The following PTK7 variants were observed in gnomAD, a reference collection of about 807,000 sequenced individuals.
PTK7 encodes inactive tyrosine-protein kinase 7.
In PTK7, 39 loss-of-function variants were observed where a neutral mutation model predicts 116.6. The ratio of observed to expected loss-of-function variants is 0.33; its 90% confidence interval spans 0.26 to 0.44. The LOEUF (loss-of-function observed/expected upper bound fraction) is 0.44, where lower values mean the gene tolerates loss of function less well. Ranked by LOEUF, PTK7 falls within the 20% of genes least tolerant of loss-of-function variation. The pLI is 1.00. For synonymous variants in PTK7, 546 were observed against 563.6 expected (o/e 0.97, Z 0.44); for missense variants, 1,169 against 1,425.6 (o/e 0.82, Z 2.90).
At chr6:43,147,285 C>T (rs1218270479) in intron 17 of PTK7, among the ~76,000 whole-genome samples, 1 of 152,198 alleles carries the variant, frequency 6.6e-6, no homozygotes, top group African/African-American at 2.4e-5. Context: ...GGCTGGGGCC[C>T]CTGTGGTAGA....
rs1769655403 is a variant in PTK7 at position 43,131,077 on chromosome 6, A to ACT, written c.812+417_812+418dup. On this transcript the variant is annotated intron_variant, in intron 5 of 19. Transcript: ENST00000230419. The stretch of plus-strand genomic sequence containing the variant: ...CACACACACACACACACACACACAC[A>ACT]CTTTTTAGAGGAAGCAAACACCTCT... 2.1e-5 allele frequency among the ~76,000 whole-genome samples: 3 copies of ACT among 143,126 alleles called. No homozygotes were observed. The South Asian group carries it at 6.6e-4, about 31-fold the overall frequency. 93.9% of individuals were successfully genotyped at this position (143,126 alleles called of 152,430 possible). A position where few individuals can be genotyped will look rare whatever the true frequency, so the allele number is the denominator to read the frequency against.
In PTK7 at chr6:43,076,440, T is replaced by C. The variant is rs1301061534; in HGVS notation, c.-49T>C. ...CTCCTGTGCCCGCCGCGGAGCGCAG[T>C]CTGCGCGCCCGCCGTGCGCCCTCAG... On this transcript the variant is annotated 5_prime_UTR_variant, in exon 1 of 20. Coordinates refer to ENST00000230419, the MANE Select transcript of PTK7 (RefSeq NM_002821.5). This position sits in a 1 kb window ranked among gnomAD's most constrained non-coding sequence, Gnocchi z 5.7. 6.8e-7 allele frequency: 1 copy of C among 1,460,480 alleles called. No homozygotes were observed. Among genetic ancestry groups the C allele is most frequent in the East Asian group, 2.9e-5 (1 of 34,432 alleles). 90.5% of individuals were successfully genotyped at this position (1,460,480 alleles called of 1,614,324 possible). A position where few individuals can be genotyped will look rare whatever the true frequency, so the allele number is the denominator to read the frequency against.
chr6:43,116,750 T>TA (rs910625695), intron 1 of PTK7, among the ~76,000 whole-genome samples: 2 of 151,816 alleles, frequency 1.3e-5, no homozygotes, highest in African/African-American at 4.8e-5. Flanking sequence ...GAGTAGGTGA[T>TA]AGAGGCTAGG....
chr6:43,128,550 C>T (rs987890094), intron 1 of PTK7, among the ~76,000 whole-genome samples: 5 of 152,092 alleles, frequency 3.3e-5, no homozygotes, highest in Non-Finnish European at 4.4e-5. Flanking sequence ...TTTGGGAGGC[C>T]GAGGTGGGCA....
At chr6:43,090,169 G>A (rs2150377315) in intron 1 of PTK7, among the ~76,000 whole-genome samples, 1 of 152,358 alleles carries the variant, frequency 6.6e-6, no homozygotes, top group African/African-American at 2.4e-5. Flanking sequence ...GAAAGGGGTA[G>A]GAGAGCGTGG....
At chr6:43,097,081 G>C (rs1338520778) in intron 1 of PTK7, among the ~76,000 whole-genome samples, 1 of 132,090 alleles carries the variant, frequency 7.6e-6, no homozygotes, top group African/African-American at 3.0e-5. Flanking sequence ...TGGCCAGACT[G>C]CCCTGGCCAA....
chr6:43,118,649 CTCTCTCTCTCTATA>C (rs1218451098), intron 1 of PTK7, among the ~76,000 whole-genome samples: 59 of 86,530 alleles, frequency 6.8e-4, no homozygotes, highest in African/African-American at 1.8e-3. Context: ...CTCTCTCTCT[CTCTCTCTCTCTATA>C]TATATATATA....
chr6:43,119,177 G>A (rs143915195), intron 1 of PTK7, among the ~76,000 whole-genome samples: 182 of 152,096 alleles, frequency 1.2e-3, no homozygotes, highest in African/African-American at 4.2e-3. Flanking sequence ...TGTAAAGGGC[G>A]TCCTCCTCAC....
intron 7 of PTK7, 34 bp from the exon 8 acceptor site, chr6:43,138,815 A>G (rs1390213931): frequency 6.4e-7 from 1 of 1,573,622 alleles, no homozygotes; most frequent in African/African-American, 1.4e-5. Context: ...AGACCTGTGA[A>G]GCAGCCTTCA....
At chr6:43,127,884 G>A (rs28479992) in intron 1 of PTK7, among the ~76,000 whole-genome samples, 46 of 151,686 alleles carry the variant, frequency 3.0e-4, no homozygotes, top group Non-Finnish European at 5.2e-4. Context: ...AGCCAAGATC[G>A]CGCTACTGCA....
At chr6:43,159,519 T>C (rs899974115) in intron 18 of PTK7, 19 of 517,992 alleles carry the variant, frequency 3.7e-5, no homozygotes, top group Non-Finnish European at 6.3e-5. Context: ...ATATAGAAAG[T>C]ATGTATGACT....
chr6:43,132,219 C>A, intron 6 of PTK7, 55 bp downstream of exon 6: 2 of 1,549,840 alleles, frequency 1.3e-6, no homozygotes, highest in Non-Finnish European at 1.7e-6. Context: ...ACATTTTTGG[C>A]ACATAGAGAT....
At chr6:43,157,986 AT>A (rs1050532088) in intron 17 of PTK7, among the ~76,000 whole-genome samples, 32 of 148,952 alleles carry the variant, frequency 2.1e-4, no homozygotes, top group African/African-American at 3.4e-4. Flanking sequence ...TTGGTAAAGA[AT>A]TTTTTTTTTT....
At chr6:43,080,904 T>C (rs1766338855) in intron 1 of PTK7, among the ~76,000 whole-genome samples, 1 of 151,540 alleles carries the variant, frequency 6.6e-6, no homozygotes, top group Non-Finnish European at 1.5e-5. Flanking sequence ...ATCGCGCCGC[T>C]GCACTCCAGC....
At chr6:43,102,103 G>T (rs1767617584) in intron 1 of PTK7, among the ~76,000 whole-genome samples, 1 of 151,878 alleles carries the variant, frequency 6.6e-6, no homozygotes, top group African/African-American at 2.4e-5. Flanking sequence ...CTCCAACTCT[G>T]GAGGTGGGTG....
At chr6:43,122,215 A>T (rs945984337) in intron 1 of PTK7, among the ~76,000 whole-genome samples, 1 of 152,136 alleles carries the variant, frequency 6.6e-6, no homozygotes, top group African/African-American at 2.4e-5. Flanking sequence ...TATCAGTCAG[A>T]TCTTTAAGGT....
chr6:43,151,460 C>T (rs1269551867), intron 17 of PTK7, among the ~76,000 whole-genome samples: 1 of 151,982 alleles, frequency 6.6e-6, no homozygotes, highest in African/African-American at 2.4e-5. Flanking sequence ...GATCCGCCCG[C>T]CTCAGCCTCC....
chr6:43,081,201 G>T (rs567019348), intron 1 of PTK7, among the ~76,000 whole-genome samples: 1 of 152,074 alleles, frequency 6.6e-6, no homozygotes. Context: ...CAGCCCCACC[G>T]CCTCTTCTTC....
chr6:43,153,860 ACT>A (rs1044716185), intron 17 of PTK7, among the ~76,000 whole-genome samples: 1 of 151,572 alleles, frequency 6.6e-6, no homozygotes, highest in African/African-American at 2.4e-5. Context: ...ACAAAGTGAG[ACT>A]CTGTCTCTAA....
Sources: allele counts gnomAD v4.1 joint callset (sites outside exome capture counted in the v4.1 genomes callset), GRCh38; gene constraint gnomAD v4.1.1; non-coding constraint Gnocchi (gnomAD v3.1); transcripts MANE v1.5; gene names NCBI Gene and HGNC (gene_info 2026-07-23, HGNC 2026-07-21).